Variants in PHLDB2 observed in about 807,000 individuals in gnomAD.
PHLDB2 encodes the protein pleckstrin homology-like domain family B member 2.
PHLDB2 carries 71 observed loss-of-function variants against 123.6 expected under a neutral mutation model. The ratio of observed to expected loss-of-function variants is 0.57; its 90% CI spans 0.47 to 0.70. The LOEUF is 0.70. PHLDB2 is among the 30% of genes least tolerant of loss of function. The pLI is 0.00. For synonymous variants in PHLDB2, 547 were observed against 541.6 expected (o/e 1.01, Z -0.14); for missense variants, 1,446 against 1,519.5 (o/e 0.95, Z 0.80).
chr3:111,748,661 A>G (rs1451315330), intron 1 of PHLDB2, among the ~76,000 whole-genome samples: 1 of 152,038 alleles, frequency 6.6e-6, no homozygotes, highest in African/African-American at 2.4e-5. Flanking sequence ...AGCTGGGATT[A>G]CAGGCACACA....
At chr3:111,782,363 C>A (rs2060513106) in intron 1 of PHLDB2, among the ~76,000 whole-genome samples, 1 of 151,984 alleles carries the variant, frequency 6.6e-6, no homozygotes, top group African/African-American at 2.4e-5. Context: ...GCTCTCAGTT[C>A]CAAAATATAA....
In PHLDB2 at chr3:111,945,256, G is replaced by T. The variant is rs763647413; in HGVS notation, c.2398-12G>T. ...TTGACTTTTAAGTTTAATAGGTTTT[G>T]TATTCCTTCAGGAAAAGGAGAATCT... On this transcript the variant is annotated splice_polypyrimidine_tract_variant and intron_variant, in intron 8 of 17. Coordinates refer to ENST00000431670, the MANE Select transcript of PHLDB2 (RefSeq NM_001134438.2). 1.3e-6 allele frequency: 2 copies of T among 1,578,380 alleles called. No individual in the cohort carries two copies. The highest frequency in any genetic ancestry group is 2.2e-5 in the South Asian group (2 of 89,156).
At chr3:111,789,122 T>C (rs2060809339) in intron 1 of PHLDB2, among the ~76,000 whole-genome samples, 1 of 152,192 alleles carries the variant, frequency 6.6e-6, no homozygotes, top group Admixed American at 6.5e-5. Flanking sequence ...GGTATTTTTA[T>C]CAAGGCGATG....
chr3:111,905,894 A>G (rs1186118514), intron 2 of PHLDB2, among the ~76,000 whole-genome samples: 1 of 152,172 alleles, frequency 6.6e-6, no homozygotes, highest in Non-Finnish European at 1.5e-5. Flanking sequence ...GACACCCATT[A>G]TAATTTTATG....
At chr3:111,750,376 A>G (rs1304172488) in intron 1 of PHLDB2, among the ~76,000 whole-genome samples, 1 of 152,228 alleles carries the variant, frequency 6.6e-6, no homozygotes, top group Non-Finnish European at 1.5e-5. Flanking sequence ...ATTAAATAAA[A>G]TTAAAGATTT....
intron 1 of PHLDB2, among the ~76,000 whole-genome samples, chr3:111,757,097 C>T (rs1364668638): frequency 6.6e-6 from 1 of 152,132 alleles, no homozygotes; most frequent in Non-Finnish European, 1.5e-5. Context: ...TCCTTCATTT[C>T]AACTTTGGTG....
At chr3:111,751,790 T>C (rs2059781105) in intron 1 of PHLDB2, among the ~76,000 whole-genome samples, 1 of 152,008 alleles carries the variant, frequency 6.6e-6, no homozygotes, top group Admixed American at 6.6e-5. Context: ...TATACATATG[T>C]AACAAACCTG....
chr3:111,872,644 A>T (rs1407325132), intron 1 of PHLDB2, among the ~76,000 whole-genome samples: 1 of 152,112 alleles, frequency 6.6e-6, no homozygotes. Context: ...TTCAAAATAC[A>T]CGACTGATGA....
chr3:111,945,250 G>C lies in PHLDB2; in HGVS notation c.2398-18G>C. ...CGAAGGTTGACTTTTAAGTTTAATAGGTTTTGTATTCCTTCAGGAAAAGGA... is the reference window on the plus strand; with the variant it reads ...CGAAGGTTGACTTTTAAGTTTAATACGTTTTGTATTCCTTCAGGAAAAGGA... On this transcript the variant is annotated intron_variant, in intron 8 of 17. Transcript: ENST00000431670. 6.4e-7 allele frequency: 1 copy of C among 1,554,766 alleles called. No individual in the cohort carries two copies. Among genetic ancestry groups the C allele is most frequent in the Non-Finnish European group, 8.8e-7 (1 of 1,131,474 alleles).
intron 1 of PHLDB2, among the ~76,000 whole-genome samples, chr3:111,832,103 C>T (rs1366775916): frequency 6.6e-6 from 1 of 152,136 alleles, no homozygotes; most frequent in African/African-American, 2.4e-5. Flanking sequence ...CTGAGCCCTA[C>T]AAGAACCACA....
At chr3:111,926,903 C>T (rs903971545) in intron 5 of PHLDB2, among the ~76,000 whole-genome samples, 12 of 152,054 alleles carry the variant, frequency 7.9e-5, no homozygotes, top group African/African-American at 2.2e-4. Flanking sequence ...ATATAATATA[C>T]GCTATATAAT....
chr3:111,890,188 A>G (rs2066397914), intron 2 of PHLDB2, among the ~76,000 whole-genome samples: 1 of 152,250 alleles, frequency 6.6e-6, no homozygotes, highest in Non-Finnish European at 1.5e-5. Flanking sequence ...TCGTGAAACC[A>G]GATTCCTAGT....
At chr3:111,857,189 C>A (rs2064550030), upstream of PHLDB2, among the ~76,000 whole-genome samples, 1 of 152,120 alleles carries the variant, frequency 6.6e-6, no homozygotes. Flanking sequence ...CAGTGGCTCA[C>A]ACCTGTCATC....
chr3:111,868,430 C>G (rs79688772), intron 1 of PHLDB2, among the ~76,000 whole-genome samples: 2,372 of 152,214 alleles, frequency 0.016, 46 homozygotes, highest in African/African-American at 0.047. Flanking sequence ...GAATACTTCT[C>G]TCTTCCTCTT....
intron 1 of PHLDB2, among the ~76,000 whole-genome samples, chr3:111,758,450 C>T (rs373531169): frequency 2.0e-5 from 3 of 152,148 alleles, no homozygotes; most frequent in Non-Finnish European, 4.4e-5. Flanking sequence ...TTTTTAAGCT[C>T]GTCGGAAAAG....
chr3:111,768,615 C>A (rs1216355307), intron 1 of PHLDB2, among the ~76,000 whole-genome samples: 1 of 152,176 alleles, frequency 6.6e-6, no homozygotes, highest in Non-Finnish European at 1.5e-5. Context: ...GCCAGCCAGT[C>A]CGTCCCTCAC....
At chr3:111,795,323 G>A (rs2061105751) in intron 1 of PHLDB2, among the ~76,000 whole-genome samples, 2 of 152,120 alleles carry the variant, frequency 1.3e-5, no homozygotes, top group South Asian at 4.1e-4. Flanking sequence ...AGGAGAGGAT[G>A]TACCCTAACT....
intron 1 of PHLDB2, among the ~76,000 whole-genome samples, chr3:111,807,810 G>T (rs2061658944): frequency 6.6e-6 from 1 of 152,118 alleles, no homozygotes; most frequent in Non-Finnish European, 1.5e-5. Flanking sequence ...GAAGGAAGAG[G>T]AATAGGAAGA....
At chr3:111,857,568 A>T (rs1559870611), upstream of PHLDB2, among the ~76,000 whole-genome samples, 1 of 152,212 alleles carries the variant, frequency 6.6e-6, no homozygotes, top group African/African-American at 2.4e-5. Context: ...TGGGTGAGAA[A>T]AGAACATTGC....
Sources: gnomAD v4.1 joint callset for allele counts (sites outside exome capture counted in the v4.1 genomes callset) on GRCh38, gnomAD v4.1.1 for gene constraint, MANE v1.5 for transcripts, NCBI Gene and HGNC (gene_info 2026-07-23, HGNC 2026-07-21) for gene names.